The following MTUS2 variants were observed in gnomAD, a reference collection of about 807,000 sequenced individuals.
MTUS2 encodes microtubule associated scaffold protein 2, also known as microtubule-associated tumor suppressor candidate 2.
In MTUS2, 40 loss-of-function variants were observed where a neutral mutation model predicts 114.1. The observed-to-expected ratio is 0.35, with a 90% CI of 0.27 to 0.46. The LOEUF is 0.46. Among genes scored for constraint, MTUS2 ranks in the 20% least tolerant of loss-of-function variants. The pLI is 1.00. For synonymous variants in MTUS2, 688 were observed against 672.0 expected (o/e 1.02, Z -0.37); for missense variants, 1,679 against 1,705.4 (o/e 0.98, Z 0.27).
intron 4 of MTUS2, among the ~76,000 whole-genome samples, chr13:29,081,370 G>A (rs1023145081): frequency 1.3e-5 from 2 of 152,032 alleles, no homozygotes; most frequent in African/African-American, 4.8e-5. Context: ...TCTAACTGAC[G>A]ACTAAAACAT....
intron 2 of MTUS2, among the ~76,000 whole-genome samples, chr13:29,023,393 TA>T (rs1476547859): frequency 1.3e-5 from 2 of 152,328 alleles, no homozygotes; most frequent in African/African-American, 4.8e-5. Flanking sequence ...GTAATAGAAT[TA>T]TTACCTAGAT....
intron 7 of MTUS2, among the ~76,000 whole-genome samples, chr13:29,333,936 A>G (rs9579331): frequency 0.18 from 27,069 of 152,218 alleles, 2,558 homozygotes; most frequent in Middle Eastern, 0.22. Flanking sequence ...CGTTACCATT[A>G]TATAATGCCC....
At chr13:29,256,199 G>A (rs1421979354) in intron 5 of MTUS2, among the ~76,000 whole-genome samples, 3 of 152,184 alleles carry the variant, frequency 2.0e-5, no homozygotes, top group East Asian at 1.9e-4. Flanking sequence ...CTGTGTTGTC[G>A]TGATACAGAG....
Position 28,999,294 on chromosome 13 carries a change from G to C in MTUS2, c.-242-25163G>C, listed in dbSNP as rs138774704. ...ACCTGGCCGTGTGAGGTGTCAGTCCGCCCCTACTGGGGGGTTCCTCCCAGT... is the reference window on the plus strand; with the variant it reads ...ACCTGGCCGTGTGAGGTGTCAGTCCCCCCCTACTGGGGGGTTCCTCCCAGT... On this transcript the variant is annotated intron_variant, in intron 2 of 15. Transcript: ENST00000612955. Among the ~76,000 whole-genome samples, 4 of 151,904 alleles carry C rather than the reference G, an allele frequency of 2.6e-5. No individual in the cohort carries two copies. In the South Asian group the frequency reaches 6.2e-4, roughly 24 times the overall value.
chr13:29,034,160 G>T, intron 4 of MTUS2, 35 bp downstream of exon 4: 1 of 1,612,280 alleles, frequency 6.2e-7, no homozygotes, highest in Non-Finnish European at 8.5e-7. Flanking sequence ...TTTTCCTGCT[G>T]TACGTTTAGA....
At chr13:29,002,039 G>A (rs9671078) in intron 2 of MTUS2, among the ~76,000 whole-genome samples, 2,691 of 152,296 alleles carry the variant, frequency 0.018, 82 homozygotes, top group African/African-American at 0.061. Context: ...CCAGTGCCAT[G>A]ACTTTTGTTT....
intron 8 of MTUS2, among the ~76,000 whole-genome samples, chr13:29,420,751 T>A (rs1876035490): frequency 6.6e-6 from 1 of 152,190 alleles, no homozygotes; most frequent in Admixed American, 6.5e-5. Flanking sequence ...TCCAATATTG[T>A]CCAACCTATT....
At chr13:29,155,353 T>C (rs932034158) in intron 5 of MTUS2, among the ~76,000 whole-genome samples, 10 of 152,242 alleles carry the variant, frequency 6.6e-5, no homozygotes, top group African/African-American at 2.2e-4. Flanking sequence ...TCCATATCAC[T>C]GTATAATTTG....
chr13:29,198,718 ATTTG>A (rs1894808603), intron 5 of MTUS2, among the ~76,000 whole-genome samples: 1 of 152,112 alleles, frequency 6.6e-6, no homozygotes, highest in Non-Finnish European at 1.5e-5. Flanking sequence ...ATGTTTTTCC[ATTTG>A]TTTGTGTCCT....
chr13:29,053,323 T>C (rs1024021124), intron 4 of MTUS2, among the ~76,000 whole-genome samples: 2 of 152,196 alleles, frequency 1.3e-5, no homozygotes, highest in Admixed American at 6.5e-5. Flanking sequence ...ATCACAAGTC[T>C]AATAATTCAG....
chr13:29,034,933 T>G (rs750399918), intron 4 of MTUS2, among the ~76,000 whole-genome samples: 3 of 152,232 alleles, frequency 2.0e-5, no homozygotes, highest in Non-Finnish European at 4.4e-5. Flanking sequence ...TTCACAGTTT[T>G]ACTTTATGCA....
intron 4 of MTUS2, among the ~76,000 whole-genome samples, chr13:29,047,727 A>G (rs986656812): frequency 6.6e-6 from 1 of 152,020 alleles, no homozygotes; most frequent in Admixed American, 6.5e-5. Context: ...GTTAGCCAGG[A>G]TGGTCTCGAT....
At chr13:29,408,809 T>TA (rs1874988577) in intron 8 of MTUS2, among the ~76,000 whole-genome samples, 1 of 152,152 alleles carries the variant, frequency 6.6e-6, no homozygotes, top group Non-Finnish European at 1.5e-5. Flanking sequence ...TGTCTACTTG[T>TA]ATATATACTA....
In MTUS2 at chr13:29,307,339, G is replaced by A. The variant is rs111815699; in HGVS notation, c.2807-17274G>A. ...TGCTGTCCCTGCCACCCAGAAGACT[G>A]TGGATGGACCATCCAGGAGACTGTG... On this transcript the variant is annotated intron_variant, in intron 6 of 15. Transcript: ENST00000612955. 1,359 of 708,366 alleles carry A rather than the reference G, an allele frequency of 1.9e-3. 16 individuals are homozygous for A. The African/African-American group carries it at 0.021, about 11-fold the overall frequency. 43.9% of individuals were successfully genotyped at this position (708,366 alleles called of 1,614,324 possible).
chr13:29,404,614 C>T (rs4769736), intron 8 of MTUS2, among the ~76,000 whole-genome samples: 100,369 of 152,024 alleles, frequency 0.66, 35,949 homozygotes, highest in Non-Finnish European at 0.79. Flanking sequence ...TTCCTCAAAC[C>T]GAGGTCACCT....
At chr13:29,217,029 A>C (rs963779830) in intron 5 of MTUS2, among the ~76,000 whole-genome samples, 1 of 152,218 alleles carries the variant, frequency 6.6e-6, no homozygotes, top group Non-Finnish European at 1.5e-5. Context: ...AGTTTAACAT[A>C]ATATTTTCCA....
At chr13:29,239,248 C>T (rs1012167872) in intron 5 of MTUS2, 1 of 152,114 alleles carries the variant, frequency 6.6e-6, no homozygotes, top group East Asian at 1.9e-4. Flanking sequence ...TCAATGATGC[C>T]TCAGTAAAGC....
intron 7 of MTUS2, among the ~76,000 whole-genome samples, chr13:29,327,597 A>G (rs1036199361): frequency 1.3e-5 from 2 of 152,182 alleles, no homozygotes; most frequent in African/African-American, 4.8e-5. Context: ...ATTCTATTAT[A>G]TAGATATCAC....
At chr13:29,190,958 C>G (rs1038757203) in intron 5 of MTUS2, among the ~76,000 whole-genome samples, 3 of 152,240 alleles carry the variant, frequency 2.0e-5, no homozygotes, top group Non-Finnish European at 4.4e-5. Flanking sequence ...CTTGGCTTGC[C>G]CACATAGGCA....
Sources: allele counts gnomAD v4.1 joint callset (sites outside exome capture counted in the v4.1 genomes callset), GRCh38; gene constraint gnomAD v4.1.1; transcripts MANE v1.5; gene names NCBI Gene and HGNC (gene_info 2026-07-23, HGNC 2026-07-21).